The following CFAP299 variants were observed in gnomAD, a reference collection of about 807,000 sequenced individuals.
The protein encoded by CFAP299 is cilia- and flagella-associated protein 299.
Under a neutral mutation model 27.0 loss-of-function variants are expected in CFAP299, and 21 were observed. The observed-to-expected ratio is 0.78, with a 90% CI of 0.55 to 1.12. The LOEUF (loss-of-function observed/expected upper bound fraction) is 1.12, where lower values mean the gene tolerates loss of function less well. CFAP299 is among the 50% of genes most tolerant of loss of function. The probability of loss-of-function intolerance (pLI) is 0.00; values close to 1 mark genes in which losing one functional copy is unlikely to be tolerated. For synonymous variants in CFAP299, 104 were observed against 98.1 expected, an observed-to-expected ratio of 1.06 and a Z score of -0.36; for missense variants, 310 against 276.6, an observed-to-expected ratio of 1.12 and a Z score of -0.86.
intron 2 of CFAP299, among the ~76,000 whole-genome samples, chr4:80,441,446 A>C (rs756242301): frequency 6.6e-6 from 1 of 152,224 alleles, no homozygotes; most frequent in Non-Finnish European, 1.5e-5. Context: ...TTGCATATCC[A>C]GCCAAACTAA....
At chr4:80,536,004 T>C (rs1262428896) in intron 2 of CFAP299, among the ~76,000 whole-genome samples, 2 of 152,134 alleles carry the variant, frequency 1.3e-5, no homozygotes, top group African/African-American at 4.8e-5. Flanking sequence ...GTTAAAGAAC[T>C]GATAATATTT....
At position 80,891,830 on chromosome 4, in the gene CFAP299, G is replaced by GAAA. The variant is rs35425830; in HGVS notation, c.476+21712_476+21714dup. Reference sequence around the variant, plus strand: ...AGCTTTGAGAAGCCCTAGATTAAAGGAAAAAAAAAAAAAAAAAAAGAAATT... The same window carrying GAAA: ...AGCTTTGAGAAGCCCTAGATTAAAGGAAAAAAAAAAAAAAAAAAAAAAGAAATT... On this transcript the variant is annotated intron_variant, in intron 4 of 5. Transcript: ENST00000358105. Among the ~76,000 whole-genome samples the GAAA allele has an allele frequency of 2.2e-3, 120 of 53,988 alleles. 1 individual carries two copies. The highest frequency in any genetic ancestry group is 5.4e-3 in the African/African-American group (84 of 15,430). The allele number at this position is 53,988 out of a possible 152,430, so 35.4% of individuals were successfully genotyped here. A position where few individuals can be genotyped will look rare whatever the true frequency, so the allele number is the denominator to read the frequency against.
chr4:80,531,747 GT>G (rs200507684), intron 2 of CFAP299, among the ~76,000 whole-genome samples: 445 of 116,452 alleles, frequency 3.8e-3, no homozygotes, highest in African/African-American at 0.012. Context: ...TAAGATAGAA[GT>G]TTTTTTTTTT....
At chr4:80,800,485 A>ATATATTGATATATAATATAT (rs1728434945) in intron 3 of CFAP299, among the ~76,000 whole-genome samples, 1 of 2,576 alleles carries the variant, frequency 3.9e-4, no homozygotes, top group Non-Finnish European at 1.5e-3. Flanking sequence ...ATATTATATA[A>ATATATTGATATATAATATAT]TATATAATAT....
chr4:80,469,553 TAAC>T (rs1578480623), intron 2 of CFAP299, among the ~76,000 whole-genome samples: 1 of 152,164 alleles, frequency 6.6e-6, no homozygotes, highest in Non-Finnish European at 1.5e-5. Flanking sequence ...TGACAAAAAC[TAAC>T]AATATATAGA....
At chr4:80,899,588 C>T (rs966508371) in intron 4 of CFAP299, among the ~76,000 whole-genome samples, 1 of 152,114 alleles carries the variant, frequency 6.6e-6, no homozygotes, top group Non-Finnish European at 1.5e-5. Context: ...AAGGACAGAC[C>T]AAGTGAACTT....
rs374154367 is a variant in CFAP299, at chr4:80,870,179, G to A, written c.476+44G>A. The A allele has an allele frequency of 2.6e-6, 4 of 1,549,268 alleles. No homozygotes were observed. The East Asian group carries it at 9.1e-5, about 35-fold the overall frequency. On this transcript the variant is annotated intron_variant, in intron 4 of 5. Coordinates refer to ENST00000358105, the MANE Select transcript of CFAP299 (RefSeq NM_152770.3). The stretch of plus-strand genomic sequence containing the variant: ...TTGCACCCTTAGAGGCAGGGACAAA[G>A]ACTTTTTATTTTATGGTCTACATTG...
intron 2 of CFAP299, among the ~76,000 whole-genome samples, chr4:80,531,839 T>C (rs12647975): frequency 0.11 from 15,847 of 149,666 alleles, 934 homozygotes; most frequent in Middle Eastern, 0.22. Flanking sequence ...CTGCAACCTC[T>C]GTCCCCTGGA....
At chr4:80,388,687 C>T (rs1236835649) in intron 2 of CFAP299, 1 of 913,510 alleles carries the variant, frequency 1.1e-6, no homozygotes, top group Admixed American at 1.8e-5. Context: ...TGTCCATTCC[C>T]TCCAGGGCCT....
chr4:80,581,453 G>GATAGATATATAT (rs1212459486), intron 2 of CFAP299, among the ~76,000 whole-genome samples: 3 of 103,018 alleles, frequency 2.9e-5, no homozygotes, highest in African/African-American at 1.9e-4. Context: ...TATTAAGTGA[G>GATAGATATATAT]ATATATATAT....
At chr4:80,848,387 G>A (rs1458710408) in intron 3 of CFAP299, among the ~76,000 whole-genome samples, 8 of 152,082 alleles carry the variant, frequency 5.3e-5, no homozygotes, top group Admixed American at 3.3e-4. Context: ...GAGTTTACTC[G>A]CACAAACCTA....
chr4:80,736,476 AAC>A (rs1172684650), intron 3 of CFAP299, among the ~76,000 whole-genome samples: 1 of 152,158 alleles, frequency 6.6e-6, no homozygotes, highest in African/African-American at 2.4e-5. Context: ...AGAAAAAAAA[AAC>A]AACCCCATCA....
rs748042577 is a variant in CFAP299, at chr4:80,944,917, A to G, written c.584A>G (p.Lys195Arg). ...CTTTTCAGATACAAAAGAGACAGAA[A>G]AATTCTTAATGTGGACCCAAAGGTA... ...GLLFRYKRDR[K>R]ILNVDPKAQP... The change falls in exon 5 of 6, where the codon AAA becomes AGA. Residue 195 changes from lysine to arginine, a missense_variant. By Grantham distance (26) the Lys-to-Arg change is conservative (BLOSUM62 2). Coordinates refer to ENST00000358105, the MANE Select transcript of CFAP299 (RefSeq NM_152770.3). 1.9e-6 allele frequency: 3 copies of G among 1,612,904 alleles called. No homozygotes were observed. Among genetic ancestry groups the G allele is most frequent in the Non-Finnish European group, 2.5e-6 (3 of 1,179,260 alleles).
chr4:80,819,030 C>T (rs772822031), intron 3 of CFAP299, among the ~76,000 whole-genome samples: 2 of 151,840 alleles, frequency 1.3e-5, no homozygotes, highest in African/African-American at 2.4e-5. Flanking sequence ...TGCAATGTAA[C>T]GAGAACTGGA....
intron 3 of CFAP299, among the ~76,000 whole-genome samples, chr4:80,691,096 C>T (rs1442110073): frequency 6.5e-4 from 45 of 69,412 alleles, no homozygotes; most frequent in African/African-American, 2.0e-3. Context: ...GGATTCACAG[C>T]CGAATTCTAC....
intron 3 of CFAP299, among the ~76,000 whole-genome samples, chr4:80,844,644 C>G (rs1376598215): frequency 1.3e-5 from 2 of 152,002 alleles, no homozygotes; most frequent in African/African-American, 2.4e-5. Flanking sequence ...ATTGTAGATT[C>G]TGGATATTAG....
At chr4:80,919,970 C>A (rs1024054929) in intron 4 of CFAP299, among the ~76,000 whole-genome samples, 1 of 152,128 alleles carries the variant, frequency 6.6e-6, no homozygotes, top group African/African-American at 2.4e-5. Flanking sequence ...TCTCTAAGAA[C>A]TATCTGACCT....
At chr4:80,491,531 A>C (rs1024819844) in intron 2 of CFAP299, among the ~76,000 whole-genome samples, 1 of 152,122 alleles carries the variant, frequency 6.6e-6, no homozygotes, top group African/African-American at 2.4e-5. Context: ...TCAGATAAAC[A>C]CAATATTACC....
rs187736406 is a variant in CFAP299 at position 80,716,685 on chromosome 4, G to A, written c.333+133502G>A. ...GCCCCATTAAAGTTTGTACCACTGA[G>A]TGAAATTACATGATAAAGCACCTGT... is the stretch of plus-strand genomic sequence containing the variant. On this transcript the variant is annotated intron_variant, in intron 3 of 5. Transcript: ENST00000358105. Among the ~76,000 whole-genome samples the A allele has an allele frequency of 7.6e-4, 116 of 152,226 alleles. 2 individuals carry two copies. In the East Asian group the frequency reaches 0.017, roughly 23 times the overall value.
Sources: allele counts gnomAD v4.1 joint callset (sites outside exome capture counted in the v4.1 genomes callset), GRCh38; gene constraint gnomAD v4.1.1; transcripts MANE v1.5; gene names NCBI Gene and HGNC (gene_info 2026-07-23, HGNC 2026-07-21).